PTPRG: variants seen among roughly 807,000 people sequenced by gnomAD.
PTPRG encodes protein tyrosine phosphatase receptor type G, also known as receptor-type tyrosine-protein phosphatase gamma.
A neutral mutation model predicts 165.3 loss-of-function variants in PTPRG; 102 were observed. The observed-to-expected ratio is 0.62, with a 90% CI of 0.53 to 0.73. PTPRG has a LOEUF of 0.73. PTPRG is among the 30% of genes least tolerant of loss of function. The pLI is 0.00. For missense variants in PTPRG, 1,866 were observed against 1,861.4 expected (o/e 1.00, Z -0.05); for synonymous variants, 675 against 669.5 (o/e 1.01, Z -0.13).
intron 2 of PTPRG, among the ~76,000 whole-genome samples, chr3:61,947,176 A>C (rs896728853): frequency 8.5e-5 from 13 of 152,204 alleles, no homozygotes; most frequent in Admixed American, 8.5e-4. Flanking sequence ...TCCCATGCTA[A>C]TTTGTGGACC....
At chr3:62,192,393 CTTTTTTTTTTTTTTTTTTTTTTTT>C (rs71123255) in intron 9 of PTPRG, among the ~76,000 whole-genome samples, 1 of 52,594 alleles carries the variant, frequency 1.9e-5, no homozygotes, top group Admixed American at 3.3e-4. Context: ...CAACTACTGT[CTTTTTTTTTTTTTTTTTTTTTTTT>C]TTTTTTTTTG....
chr3:61,786,281 T>C (rs1270538996), intron 2 of PTPRG, among the ~76,000 whole-genome samples: 1 of 152,228 alleles, frequency 6.6e-6, no homozygotes, highest in Non-Finnish European at 1.5e-5. Flanking sequence ...TTTATTCTTC[T>C]TCTTTGATTA....
chr3:61,861,839 C>G (rs1225404937), intron 2 of PTPRG, among the ~76,000 whole-genome samples: 1 of 152,184 alleles, frequency 6.6e-6, no homozygotes, highest in Non-Finnish European at 1.5e-5. Flanking sequence ...TTTAAATTTT[C>G]TGCCATGCAT....
At chr3:62,269,254 T>G in intron 20 of PTPRG, 85 bp downstream of exon 20, 1 of 1,352,694 alleles carries the variant, frequency 7.4e-7, no homozygotes, top group Non-Finnish European at 9.9e-7. Context: ...CCAAATCTCA[T>G]AACCAACTTG....
chr3:62,008,516 C>A (rs141568800), intron 4 of PTPRG, among the ~76,000 whole-genome samples: 7 of 152,276 alleles, frequency 4.6e-5, no homozygotes, highest in African/African-American at 1.7e-4. Context: ...TAATGTATAC[C>A]ATGTACACGT....
chr3:61,820,651 C>G (rs1157403067), intron 2 of PTPRG, among the ~76,000 whole-genome samples: 3 of 99,484 alleles, frequency 3.0e-5, no homozygotes, highest in African/African-American at 1.3e-4. Flanking sequence ...AGGGATAAAA[C>G]AGTAATTTTG....
chr3:61,994,600 AAAGTAAGGC>A (rs2040975809), intron 3 of PTPRG, among the ~76,000 whole-genome samples: 1 of 152,248 alleles, frequency 6.6e-6, no homozygotes, highest in Non-Finnish European at 1.5e-5. Flanking sequence ...TGAGCCCATA[AAAGTAAGGC>A]AAGTAGTAGG....
At chr3:62,100,562 G>T (rs1282642601) in intron 5 of PTPRG, among the ~76,000 whole-genome samples, 1 of 151,944 alleles carries the variant, frequency 6.6e-6, no homozygotes, top group Non-Finnish European at 1.5e-5. Context: ...TGCCAGATTT[G>T]CCTGGATGTT....
intron 2 of PTPRG, among the ~76,000 whole-genome samples, chr3:61,952,465 C>G (rs2039923089): frequency 1.3e-5 from 2 of 152,178 alleles, no homozygotes; most frequent in Non-Finnish European, 1.5e-5. Context: ...CCCTTCTCTT[C>G]TCACTCTGTA....
chr3:62,250,317 C>A (rs765008180), intron 15 of PTPRG, among the ~76,000 whole-genome samples: 1 of 152,174 alleles, frequency 6.6e-6, no homozygotes, highest in South Asian at 2.1e-4. Context: ...CTTCCTGATA[C>A]ACAGCAAGCA....
At chr3:61,596,438 T>A (rs1228193169) in intron 1 of PTPRG, among the ~76,000 whole-genome samples, 1 of 50,968 alleles carries the variant, frequency 2.0e-5, no homozygotes, top group Admixed American at 2.4e-4. Flanking sequence ...TCAATTCGGA[T>A]GGATTTGTTG....
intron 8 of PTPRG, among the ~76,000 whole-genome samples, chr3:62,173,596 G>T (rs1576094886): frequency 6.6e-6 from 1 of 152,300 alleles, no homozygotes; most frequent in African/African-American, 2.4e-5. Context: ...TGTTGGATCT[G>T]TGTTTCCATT....
At chr3:61,949,854 T>A (rs1456811132) in intron 2 of PTPRG, among the ~76,000 whole-genome samples, 1 of 152,022 alleles carries the variant, frequency 6.6e-6, no homozygotes, top group African/African-American at 2.4e-5. Flanking sequence ...TTCAAGCAAT[T>A]CTCCTGCCTC....
intron 5 of PTPRG, among the ~76,000 whole-genome samples, chr3:62,115,027 A>C (rs1438501388): frequency 2.0e-5 from 3 of 152,202 alleles, no homozygotes; most frequent in Non-Finnish European, 4.4e-5. Flanking sequence ...TGTTTTGCTA[A>C]ACTGGGATTC....
At chr3:62,206,458 G>A (rs990983268) in intron 12 of PTPRG, among the ~76,000 whole-genome samples, 7 of 152,136 alleles carry the variant, frequency 4.6e-5, no homozygotes, top group African/African-American at 1.7e-4. Flanking sequence ...TAATGATCAT[G>A]CTTAATGCCG....
intron 1 of PTPRG, among the ~76,000 whole-genome samples, chr3:61,734,862 GA>G (rs1408771046): frequency 6.6e-6 from 1 of 152,190 alleles, no homozygotes. Context: ...TAGATATTGA[GA>G]GGGGGGGAAT....
At chr3:61,568,668 G>A (rs1699983957) in intron 1 of PTPRG, among the ~76,000 whole-genome samples, 1 of 151,892 alleles carries the variant, frequency 6.6e-6, no homozygotes. Flanking sequence ...CCAGCATTTT[G>A]GGAGGCCCAG....
At chr3:61,718,237 T>C (rs2031901554) in intron 1 of PTPRG, among the ~76,000 whole-genome samples, 1 of 142,994 alleles carries the variant, frequency 7.0e-6, no homozygotes, top group South Asian at 2.2e-4. Context: ...AAACGCAGAC[T>C]CAGAGAACCA....
intron 5 of PTPRG, among the ~76,000 whole-genome samples, chr3:62,089,534 C>T (rs1239765683): frequency 6.6e-6 from 1 of 152,164 alleles, no homozygotes; most frequent in African/African-American, 2.4e-5. Context: ...TGCCATAGGT[C>T]AGAATCTCAA....
Sources: allele counts gnomAD v4.1 joint callset (sites outside exome capture counted in the v4.1 genomes callset), GRCh38; gene constraint gnomAD v4.1.1; transcripts MANE v1.5; gene names NCBI Gene and HGNC (gene_info 2026-07-23, HGNC 2026-07-21).